NR4A3: variants seen among roughly 807,000 people sequenced by gnomAD.
NR4A3 encodes the protein chondrosarcoma, extraskeletal myxoid, fused to EWS.
In NR4A3, 13 loss-of-function variants were observed where a neutral mutation model predicts 55.6. The ratio of observed to expected loss-of-function variants is 0.23; its 90% CI spans 0.15 to 0.37. The LOEUF (loss-of-function observed/expected upper bound fraction) is 0.37. NR4A3 is among the 10% of genes least tolerant of loss of function. The pLI, the probability that NR4A3 is intolerant of heterozygous loss-of-function variation, is 1.00. For missense variants in NR4A3, 646 were observed against 822.8 expected, an observed-to-expected ratio of 0.79 and a Z score of 2.63; for synonymous variants, 342 against 357.9, an observed-to-expected ratio of 0.96 and a Z score of 0.50.
chr9:99,837,142 G>A (rs1455321467), intron 5 of NR4A3, among the ~76,000 whole-genome samples: 1 of 151,988 alleles, frequency 6.6e-6, no homozygotes, highest in African/African-American at 2.4e-5. Flanking sequence ...CTCCCATTCT[G>A]TAGTATTTCA....
intron 2 of NR4A3, 122 bp from the exon 3 acceptor site, chr9:99,827,919 G>T: frequency 8.6e-7 from 1 of 1,159,764 alleles, no homozygotes. Context: ...CTACCAGAAG[G>T]AGGAGAGGAT....
At chr9:99,851,960 A>G (rs1484225180) in intron 7 of NR4A3, among the ~76,000 whole-genome samples, 6 of 152,242 alleles carry the variant, frequency 3.9e-5, no homozygotes, top group Non-Finnish European at 5.9e-5. Context: ...TGCAAAGATG[A>G]GCCAGGCACG....
At chr9:99,855,266 T>C (rs965724954) in intron 7 of NR4A3, among the ~76,000 whole-genome samples, 1 of 151,994 alleles carries the variant, frequency 6.6e-6, no homozygotes, top group African/African-American at 2.4e-5. Flanking sequence ...ACAGGGAGAG[T>C]CTTATTTATC....
intron 6 of NR4A3, 98 bp from the exon 7 acceptor site, chr9:99,847,339 C>T: frequency 8.7e-7 from 1 of 1,145,076 alleles, no homozygotes; most frequent in East Asian, 2.4e-5. Flanking sequence ...GGTCCCAATG[C>T]TGCCCCATGG....
Position 99,828,177 on chromosome 9 carries a change from T to G in NR4A3, c.135T>G (p.Thr45=). The part of the protein sequence containing the change: ...YTKLTMDLGS[T]EITATATTSL... ...AGCTGACCATGGACCTTGGCAGCAC[T>G]GAGATCACGGCTACAGCCACCACGT... Residue 45 remains threonine (T), a synonymous_variant, in exon 3 of 8, where the codon ACT becomes ACG. Coordinates refer to ENST00000395097, the MANE Select transcript of NR4A3 (RefSeq NM_006981.4). The surrounding 1 kb of genome is among the most constrained non-coding windows in gnomAD (Gnocchi z 7.7). 1 of 1,614,054 alleles carries G rather than the reference T, an allele frequency of 6.2e-7. No homozygotes were observed. Among genetic ancestry groups the G allele is most frequent in the Non-Finnish European group, 8.5e-7 (1 of 1,179,986 alleles).
In NR4A3 at chr9:99,822,623, C is replaced by A. The variant is rs974646626; in HGVS notation, c.-177+216C>A. On this transcript the variant is annotated intron_variant, in intron 1 of 7. Coordinates refer to ENST00000395097, the MANE Select transcript of NR4A3 (RefSeq NM_006981.4). This position sits in a 1 kb window ranked among gnomAD's most constrained non-coding sequence, Gnocchi z 4.9. ...GGGGATCTCTGGAGCTCGTGGGATTCCTCCCCCCACTCGAAGAGGCGAAAA... is the reference window on the plus strand; with the variant it reads ...GGGGATCTCTGGAGCTCGTGGGATTACTCCCCCCACTCGAAGAGGCGAAAA... 6.6e-6 allele frequency among the ~76,000 whole-genome samples: 1 copy of A among 152,120 alleles called. No homozygotes were observed. Among genetic ancestry groups the A allele is most frequent in the Non-Finnish European group, 1.5e-5 (1 of 68,030 alleles).
chr9:99,828,882 G>C lies in NR4A3; in HGVS notation c.840G>C (p.Pro280=). ...GCGAGAGTCCCAGCCTGCCGTCGCC[G>C]CCCAGCAGGAGCTCGTCGTCTGGCG... The part of the protein sequence containing the change: ...LLGESPSLPS[P]PSRSSSSGEG... The change falls in exon 3 of 8, where the codon CCG becomes CCC. Residue 280 remains proline (P), a synonymous_variant. Coordinates refer to ENST00000395097, the MANE Select transcript of NR4A3 (RefSeq NM_006981.4). This position sits in a 1 kb window ranked among gnomAD's most constrained non-coding sequence, Gnocchi z 7.7. 2 of 1,504,008 alleles carry C rather than the reference G, an allele frequency of 1.3e-6. No individual in the cohort carries two copies. Among genetic ancestry groups the C allele is most frequent in the Non-Finnish European group, 1.8e-6 (2 of 1,130,568 alleles). The allele number at this position is 1,504,008 out of a possible 1,614,324, so 93.2% of individuals were successfully genotyped here. A position where few individuals can be genotyped will look rare whatever the true frequency, so the allele number is the denominator to read the frequency against.
At chr9:99,861,890 A>G (rs1828014139) in intron 7 of NR4A3, among the ~76,000 whole-genome samples, 1 of 152,066 alleles carries the variant, frequency 6.6e-6, no homozygotes, top group African/African-American at 2.4e-5. Context: ...CAAGAGTTCA[A>G]GACCAGCCTG....
chr9:99,839,152 T>C (rs1284186531), intron 5 of NR4A3, among the ~76,000 whole-genome samples: 2 of 152,230 alleles, frequency 1.3e-5, no homozygotes, highest in African/African-American at 4.8e-5. Context: ...TTTTTTGCTT[T>C]TTGCTTTTTG....
intron 7 of NR4A3, among the ~76,000 whole-genome samples, chr9:99,851,342 A>G (rs189824064): frequency 6.6e-6 from 1 of 152,320 alleles, no homozygotes; most frequent in Non-Finnish European, 1.5e-5. Context: ...CTTCTGAATA[A>G]GCTTCGTTGA....
chr9:99,826,890 C>A, intron 2 of NR4A3: 1 of 1,297,024 alleles, frequency 7.7e-7, no homozygotes, highest in Non-Finnish European at 1.1e-6. Context: ...AGGCGTTAAG[C>A]ACCTGGTTTT....
intron 5 of NR4A3, among the ~76,000 whole-genome samples, chr9:99,842,624 G>T (rs1484138132): frequency 2.0e-5 from 3 of 152,060 alleles, no homozygotes; most frequent in Admixed American, 6.6e-5. Context: ...CCAGCTACTC[G>T]GGAGGCTGAG....
rs927979053 is a variant in NR4A3 at position 99,856,231 on chromosome 9, T to C, written c.1634-7389T>C. Among the ~76,000 whole-genome samples the C allele has an allele frequency of 8.6e-5, 13 of 151,892 alleles. No homozygotes were observed. The South Asian group carries it at 1.0e-3, about 12-fold the overall frequency. On this transcript the variant is annotated intron_variant, in intron 7 of 7. Transcript: ENST00000395097. ...ATCGGTGGGAACCCTGAGCTCATTT[T>C]CCTGCAACTAGATAGTCCCATCTGG...
chr9:99,835,199 G>A (rs1376272777), intron 5 of NR4A3, among the ~76,000 whole-genome samples: 1 of 152,156 alleles, frequency 6.6e-6, no homozygotes, highest in East Asian at 1.9e-4. Context: ...TTTGTTCAAT[G>A]TCCTAATGAG....
chr9:99,828,539 G>A lies in NR4A3; in HGVS notation c.497G>A (p.Cys166Tyr). 1 of 1,563,808 alleles carries A rather than the reference G, an allele frequency of 6.4e-7. No homozygotes were observed. Among genetic ancestry groups the A allele is most frequent in the East Asian group, 2.3e-5 (1 of 43,674 alleles). The change falls in exon 3 of 8, where the codon TGC becomes TAC. Residue 166 changes from cysteine to tyrosine, a missense_variant. Cys to Tyr is a radical substitution (Grantham distance 194). Transcript: ENST00000395097. This position sits in a 1 kb window ranked among gnomAD's most constrained non-coding sequence, Gnocchi z 7.7. ...WDEALPSAPG[C>Y]IAPGPLLDPP... ...GAGGCACTGCCCTCGGCGCCCGGCTGCATCGCACCCGGCCCGCTGCTGGAC... is the reference window on the plus strand; with the variant it reads ...GAGGCACTGCCCTCGGCGCCCGGCTACATCGCACCCGGCCCGCTGCTGGAC...
At chr9:99,851,778 C>G (rs986747616) in intron 7 of NR4A3, among the ~76,000 whole-genome samples, 6 of 152,208 alleles carry the variant, frequency 3.9e-5, no homozygotes, top group African/African-American at 1.4e-4. Context: ...TGCTTTGAAT[C>G]TGGTGGGATA....
intron 5 of NR4A3, among the ~76,000 whole-genome samples, chr9:99,840,783 TC>T (rs1284860233): frequency 6.6e-6 from 1 of 152,226 alleles, no homozygotes; most frequent in African/African-American, 2.4e-5. Flanking sequence ...TTTGGGAGTT[TC>T]ACAAGTAGCT....
chr9:99,845,234 G>A (rs1827733205), intron 6 of NR4A3, among the ~76,000 whole-genome samples: 1 of 152,134 alleles, frequency 6.6e-6, no homozygotes, highest in Non-Finnish European at 1.5e-5. Flanking sequence ...GTTTGCTTTG[G>A]AACATTGTAT....
Position 99,822,614 on chromosome 9 carries a change from C to T in NR4A3, c.-177+207C>T, listed in dbSNP as rs1255609379. On this transcript the variant is annotated intron_variant, in intron 1 of 7. Transcript: ENST00000395097. The surrounding 1 kb of genome is among the most constrained non-coding windows in gnomAD (Gnocchi z 4.9). The stretch of plus-strand genomic sequence containing the variant: ...TGGGCCCGCGGGGATCTCTGGAGCT[C>T]GTGGGATTCCTCCCCCCACTCGAAG... Among the ~76,000 whole-genome samples, 1 of 152,124 alleles carries T rather than the reference C, an allele frequency of 6.6e-6. No individual in the cohort carries two copies.
Sources: gnomAD v4.1 joint callset for allele counts (sites outside exome capture counted in the v4.1 genomes callset) on GRCh38, gnomAD v4.1.1 for gene constraint, Gnocchi (gnomAD v3.1) non-coding constraint, MANE v1.5 for transcripts, NCBI Gene and HGNC (gene_info 2026-07-23, HGNC 2026-07-21) for gene names.